HECW1: variants seen among roughly 807,000 people sequenced by gnomAD.
HECW1 encodes the protein E3 ubiquitin-protein ligase HECW1.
In HECW1, 61 loss-of-function variants were observed where a neutral mutation model predicts 182.3. The observed-to-expected ratio is 0.33, with a 90% CI of 0.27 to 0.41. The LOEUF (loss-of-function observed/expected upper bound fraction) is 0.41, where lower values mean the gene tolerates loss of function less well. HECW1 is among the 10% of genes least tolerant of loss of function. The pLI is 1.00. For missense variants in HECW1, 1,739 were observed against 2,108.9 expected (o/e 0.82, Z 3.44); for synonymous variants, 859 against 832.6 (o/e 1.03, Z -0.55).
intron 3 of HECW1, among the ~76,000 whole-genome samples, chr7:43,284,478 G>A (rs1239682600): frequency 7.6e-6 from 1 of 131,688 alleles, no homozygotes; most frequent in Admixed American, 8.8e-5. Flanking sequence ...ACCAGCCTGG[G>A]CAACAAAGTG....
At chr7:43,274,561 G>A (rs1187461498) in intron 3 of HECW1, 2 of 526,048 alleles carry the variant, frequency 3.8e-6, no homozygotes, top group African/African-American at 1.9e-5. Context: ...TCACCACCAA[G>A]AGGCCCAACA....
intron 24 of HECW1, chr7:43,509,328 A>G (rs1297007382): frequency 2.1e-6 from 1 of 472,994 alleles, no homozygotes; most frequent in Non-Finnish European, 3.7e-6. Flanking sequence ...CTGATAATAT[A>G]GCAACTGCAA....
chr7:43,157,950 G>A (rs1224913508), intron 2 of HECW1, among the ~76,000 whole-genome samples: 1 of 152,156 alleles, frequency 6.6e-6, no homozygotes, highest in Non-Finnish European at 1.5e-5. Flanking sequence ...CTGAGTCCTT[G>A]CTCCCCTAAG....
chr7:43,209,278 C>A (rs1051834199), intron 2 of HECW1, among the ~76,000 whole-genome samples: 2 of 152,162 alleles, frequency 1.3e-5, no homozygotes, highest in Admixed American at 1.3e-4. Flanking sequence ...GACCCATGCT[C>A]CCCTGTCCCC....
chr7:43,508,431 ACT>A (rs2079690303), intron 23 of HECW1, among the ~76,000 whole-genome samples: 1 of 151,698 alleles, frequency 6.6e-6, no homozygotes, highest in South Asian at 2.1e-4. Context: ...AATTTAAAAA[ACT>A]CTTTCTCTTA....
chr7:43,456,175 C>A, intron 12 of HECW1, 122 bp from the exon 13 acceptor site: 1 of 957,534 alleles, frequency 1.0e-6, no homozygotes, highest in Non-Finnish European at 1.5e-6. Context: ...TGGGCAGGGT[C>A]TGGCCTGCAG....
At chr7:43,415,762 A>G (rs1294693437) in intron 8 of HECW1, among the ~76,000 whole-genome samples, 7 of 140,864 alleles carry the variant, frequency 5.0e-5, no homozygotes, top group South Asian at 2.5e-4. Flanking sequence ...TTCCCTTCTC[A>G]CTTCATTTCA....
At chr7:43,316,960 G>T (rs1483449259) in intron 4 of HECW1, among the ~76,000 whole-genome samples, 1 of 150,936 alleles carries the variant, frequency 6.6e-6, no homozygotes, top group Non-Finnish European at 1.5e-5. Flanking sequence ...GTGCAAGATC[G>T]GGAAGGTGAA....
At position 43,490,448 on chromosome 7, in the gene HECW1, T is replaced by A. The variant is rs147072430; in HGVS notation, c.3235-1627T>A. Among the ~76,000 whole-genome samples the A allele has an allele frequency of 5.3e-3, 802 of 152,342 alleles. 21 individuals carry two copies. Among genetic ancestry groups the A allele is most frequent in the Admixed American group, 0.047 (724 of 15,306 alleles). ...AAAGTCTTTAACACTTCAAAATTCT[T>A]AACTATTTTAAAGCCTATTTTAGCA... On this transcript the variant is annotated intron_variant, in intron 17 of 29. Transcript: ENST00000395891.
chr7:43,136,900 G>A (rs1302391925), intron 2 of HECW1, among the ~76,000 whole-genome samples: 3 of 152,086 alleles, frequency 2.0e-5, no homozygotes, highest in Admixed American at 1.3e-4. Context: ...CTGTTTTCAA[G>A]GCATTTCAGC....
chr7:43,359,016 A>T (rs2215594), intron 5 of HECW1, among the ~76,000 whole-genome samples: 1 of 151,584 alleles, frequency 6.6e-6, no homozygotes, highest in Non-Finnish European at 1.5e-5. Context: ...AGTAGAGATG[A>T]GGTTTCACCA....
chr7:43,425,304 T>TGATAGATAAATAGATA (rs2076325451), intron 8 of HECW1, among the ~76,000 whole-genome samples: 1 of 148,246 alleles, frequency 6.7e-6, no homozygotes, highest in African/African-American at 2.5e-5. Context: ...GATAGATAGA[T>TGATAGATAAATAGATA]GATAGATAGA....
At chr7:43,466,623 A>G (rs201046334) in intron 15 of HECW1, 55 bp downstream of exon 15, 54 of 1,569,688 alleles carry the variant, frequency 3.4e-5, no homozygotes, top group Non-Finnish European at 4.2e-5. Flanking sequence ...CCCAAAACAC[A>G]GCTTTGTAAA....
chr7:43,322,745 G>A (rs1810295165), intron 5 of HECW1, among the ~76,000 whole-genome samples: 1 of 152,208 alleles, frequency 6.6e-6, no homozygotes, highest in Non-Finnish European at 1.5e-5. Context: ...ACTTGCATGA[G>A]TAGTGATTGT....
At chr7:43,385,497 C>T in intron 6 of HECW1, among the ~76,000 whole-genome samples, 1 of 151,812 alleles carries the variant, frequency 6.6e-6, no homozygotes, top group Non-Finnish European at 1.5e-5. Context: ...TCCCCACCCC[C>T]AGTCTGACTC....
At chr7:43,242,979 T>C (rs961416222) in intron 2 of HECW1, among the ~76,000 whole-genome samples, 5 of 152,074 alleles carry the variant, frequency 3.3e-5, no homozygotes, top group African/African-American at 1.2e-4. Context: ...ACATAATCTC[T>C]GCACCCAGAA....
chr7:43,124,830 T>A (rs1473623219), intron 2 of HECW1, among the ~76,000 whole-genome samples: 1 of 152,082 alleles, frequency 6.6e-6, no homozygotes, highest in East Asian at 1.9e-4. Flanking sequence ...AATTTTAAGA[T>A]TTTTTTTCTC....
chr7:43,237,182 T>C (rs1233106764), intron 2 of HECW1, among the ~76,000 whole-genome samples: 2 of 140,288 alleles, frequency 1.4e-5, no homozygotes, highest in African/African-American at 2.9e-5. Flanking sequence ...GGTAGGTAGG[T>C]AGGTAGGTAA....
chr7:43,483,113 T>C (rs2078494731), intron 17 of HECW1, among the ~76,000 whole-genome samples: 1 of 152,136 alleles, frequency 6.6e-6, no homozygotes, highest in African/African-American at 2.4e-5. Flanking sequence ...TGCCTTGGTT[T>C]TCAGAAAACT....
Sources: gnomAD v4.1 joint callset for allele counts (sites outside exome capture counted in the v4.1 genomes callset) on GRCh38, gnomAD v4.1.1 for gene constraint, MANE v1.5 for transcripts, NCBI Gene and HGNC (gene_info 2026-07-23, HGNC 2026-07-21) for gene names.